DPP4: variants seen among roughly 807,000 people sequenced by gnomAD.
The protein encoded by DPP4 is ADCP-2.
A neutral mutation model predicts 122.4 loss-of-function variants in DPP4; 93 were observed. The ratio of observed to expected loss-of-function variants is 0.76; its 90% confidence interval spans 0.64 to 0.90. DPP4 has a LOEUF of 0.90. DPP4 is among the 40% of genes least tolerant of loss of function. The probability of loss-of-function intolerance (pLI) is 0.00; values close to 1 mark genes in which losing one functional copy is unlikely to be tolerated. For synonymous variants in DPP4, 321 were observed against 302.9 expected (o/e 1.06, Z -0.62); for missense variants, 914 against 907.3 (o/e 1.01, Z -0.09).
intron 7 of DPP4, 122 bp from the exon 8 acceptor site, chr2:162,038,544 C>A: frequency 9.3e-7 from 1 of 1,077,912 alleles, no homozygotes; most frequent in Non-Finnish European, 1.3e-6. Context: ...TCCATTCAAA[C>A]AGGAAGAGTC....
rs1700904402 is a variant in DPP4, at chr2:161,993,154, AG to A, written c.*128del. The A allele has an allele frequency of 4.3e-6, 3 of 698,974 alleles. No individual in the cohort carries two copies. The highest frequency in any genetic ancestry group is 2.5e-5 in the Admixed American group (1 of 39,902). The allele number at this position is 698,974 out of a possible 1,614,324, so 43.3% of individuals were successfully genotyped here. On this transcript the variant is annotated 3_prime_UTR_variant, in exon 26 of 26. Transcript: ENST00000360534. Reference sequence around the variant, plus strand: ...TGATAGGTATGAAATTTGGGAACAAAGGTAACCTTAAGTTTCTTGATTTGAG... The same window carrying A: ...TGATAGGTATGAAATTTGGGAACAAAGTAACCTTAAGTTTCTTGATTTGAG...
chr2:162,074,067 G>T lies in DPP4; in HGVS notation c.-86C>A. 1.3e-6 allele frequency: 2 copies of T among 1,536,154 alleles called. No homozygotes were observed. Among genetic ancestry groups the T allele is most frequent in the Admixed American group, 2.1e-5 (1 of 47,050 alleles). Reference sequence around the variant, plus strand: ...GCGGCGGAGACGCGCGTCCTGCACCGCTGCTCCGGGCGGTGGAGTCACTCG... The same window carrying T: ...GCGGCGGAGACGCGCGTCCTGCACCTCTGCTCCGGGCGGTGGAGTCACTCG... On this transcript the variant is annotated 5_prime_UTR_variant, in exon 1 of 26. Transcript: ENST00000360534.
At chr2:162,000,868 A>G (rs767967990) in intron 23 of DPP4, among the ~76,000 whole-genome samples, 7 of 152,066 alleles carry the variant, frequency 4.6e-5, no homozygotes, top group African/African-American at 9.7e-5. Context: ...TCATAAATCT[A>G]TCCCCTCCCC....
At chr2:162,073,914 G>T (rs1685215345) in intron 1 of DPP4, 62 bp downstream of exon 1, 3 of 1,600,856 alleles carry the variant, frequency 1.9e-6, no homozygotes, top group East Asian at 2.2e-5. Context: ...TGGGCCATTT[G>T]GGGAGTTTGG....
At chr2:162,068,240 T>C (rs1471561697) in intron 2 of DPP4, among the ~76,000 whole-genome samples, 2 of 152,130 alleles carry the variant, frequency 1.3e-5, no homozygotes, top group African/African-American at 4.8e-5. Flanking sequence ...CACATAGAGA[T>C]TAGAAGCCAT....
intron 5 of DPP4, among the ~76,000 whole-genome samples, chr2:162,041,320 T>A (rs1471587159): frequency 6.6e-6 from 1 of 152,180 alleles, no homozygotes; most frequent in Non-Finnish European, 1.5e-5. Flanking sequence ...ATCTTATTTA[T>A]CTTTGGATGC....
intron 10 of DPP4, among the ~76,000 whole-genome samples, chr2:162,031,320 G>A (rs1683544000): frequency 1.3e-5 from 2 of 152,180 alleles, no homozygotes; most frequent in South Asian, 2.1e-4. Context: ...GGAGGACAAG[G>A]ACTAGACCTG....
chr2:162,061,650 T>G (rs1684779190), intron 2 of DPP4, among the ~76,000 whole-genome samples: 1 of 152,180 alleles, frequency 6.6e-6, no homozygotes, highest in Admixed American at 6.5e-5. Context: ...TATAATAATT[T>G]TATTCAGAAT....
chr2:162,026,904 CAG>C, intron 10 of DPP4, among the ~76,000 whole-genome samples: 1 of 152,252 alleles, frequency 6.6e-6, no homozygotes, highest in African/African-American at 2.4e-5. Context: ...AATTAAGGGT[CAG>C]AGAGTTAAGT....
rs1385757999 is a variant in DPP4, at chr2:162,033,431, G to A, written c.887+110C>T. 4.4e-6 allele frequency: 3 copies of A among 689,110 alleles called. No individual in the cohort carries two copies. In the East Asian group the frequency reaches 8.9e-5, roughly 20 times the overall value. 42.7% of individuals were successfully genotyped at this position (689,110 alleles called of 1,614,324 possible). A position where few individuals can be genotyped will look rare whatever the true frequency, so the allele number is the denominator to read the frequency against. ...AGGAAAGAATGAATGACTGTCAGCG[G>A]GGATGACACAGTGGGAGGCTGTGAT... On this transcript the variant is annotated intron_variant, in intron 10 of 25. Coordinates refer to ENST00000360534, the MANE Select transcript of DPP4 (RefSeq NM_001935.4).
intron 10 of DPP4, among the ~76,000 whole-genome samples, chr2:162,027,659 A>G (rs1383077844): frequency 1.3e-5 from 2 of 152,082 alleles, no homozygotes; most frequent in Non-Finnish European, 2.9e-5. Flanking sequence ...TGATGGGGGG[A>G]ACAACTTTTT....
intron 2 of DPP4, among the ~76,000 whole-genome samples, chr2:162,067,456 T>C (rs550554490): frequency 1.4e-4 from 21 of 152,264 alleles, no homozygotes; most frequent in African/African-American, 5.1e-4. Context: ...GAATAAAATC[T>C]CTAGTGGCTT....
intron 2 of DPP4, among the ~76,000 whole-genome samples, chr2:162,056,321 T>C (rs1226531454): frequency 2.0e-5 from 3 of 152,194 alleles, no homozygotes; most frequent in Non-Finnish European, 4.4e-5. Context: ...GAACAGTGCC[T>C]GGTATACAGT....
At position 162,020,706 on chromosome 2, in the gene DPP4, A is replaced by G; in HGVS notation, c.1069-18T>C. On this transcript the variant is annotated intron_variant, in intron 12 of 25. Transcript: ENST00000360534. ...GGCCTAAACTAGAAAATAATAGAGA[A>G]CAAAAGAACATTAAAGCACAGTGTC... The G allele has an allele frequency of 1.3e-6, 2 of 1,564,346 alleles. No individual in the cohort carries two copies. Among genetic ancestry groups the G allele is most frequent in the South Asian group, 2.3e-5 (2 of 86,606 alleles).
intron 19 of DPP4, among the ~76,000 whole-genome samples, chr2:162,013,467 A>G (rs1240253236): frequency 6.6e-6 from 1 of 152,088 alleles, no homozygotes; most frequent in Non-Finnish European, 1.5e-5. Flanking sequence ...GAAACTGTGA[A>G]TATAGTGGAT....
At chr2:162,053,051 A>G (rs969019816) in intron 2 of DPP4, among the ~76,000 whole-genome samples, 1 of 152,238 alleles carries the variant, frequency 6.6e-6, no homozygotes, top group African/African-American at 2.4e-5. Flanking sequence ...GGAAAATGTG[A>G]GAAGAGAAAA....
chr2:162,024,101 G>A (rs943856876), intron 11 of DPP4, among the ~76,000 whole-genome samples: 1 of 152,292 alleles, frequency 6.6e-6, no homozygotes, highest in Admixed American at 6.5e-5. Flanking sequence ...AGGTGTGTAG[G>A]CAGAGGGTCT....
At chr2:161,993,505 C>A in intron 25 of DPP4, 121 bp from the exon 26 acceptor site, 1 of 664,430 alleles carries the variant, frequency 1.5e-6, no homozygotes, top group Non-Finnish European at 2.5e-6. Context: ...TGTTTTAATT[C>A]CTGAGGCAGT....
rs1013009972 is a variant in DPP4, at chr2:162,051,897, A to G, written c.95-4396T>C. Among the ~76,000 whole-genome samples, 5 of 152,300 alleles carry G rather than the reference A, an allele frequency of 3.3e-5. No homozygotes were observed. The South Asian group carries it at 8.3e-4, about 25-fold the overall frequency. Reference sequence around the variant, plus strand: ...CCATTTCTTGCCTTGGGGCCTTGGGAAAATTACTGAATCTTTGCTATGATT... The same window carrying G: ...CCATTTCTTGCCTTGGGGCCTTGGGGAAATTACTGAATCTTTGCTATGATT... On this transcript the variant is annotated intron_variant, in intron 2 of 25. Transcript: ENST00000360534.
Sources: gnomAD v4.1 joint callset for allele counts (sites outside exome capture counted in the v4.1 genomes callset) on GRCh38, gnomAD v4.1.1 for gene constraint, MANE v1.5 for transcripts, NCBI Gene and HGNC (gene_info 2026-07-23, HGNC 2026-07-21) for gene names.